The following ZNF257 variants were observed in gnomAD, a reference collection of about 807,000 sequenced individuals.
The protein encoded by ZNF257 is zinc finger protein 257.
A neutral mutation model predicts 11.9 loss-of-function variants in ZNF257; 12 were observed. The ratio of observed to expected loss-of-function variants is 1.01; its 90% CI spans 0.65 to 1.63. ZNF257 has a LOEUF of 1.63. ZNF257 is among the 40% of genes most tolerant of loss of function. The pLI is 0.00. For missense variants in ZNF257, 580 were observed against 665.5 expected, an observed-to-expected ratio of 0.87 and a Z score of 1.41; for synonymous variants, 183 against 222.7, an observed-to-expected ratio of 0.82 and a Z score of 1.59.
chr19:22,057,298 G>C (rs2021669542), intron 1 of ZNF257, among the ~76,000 whole-genome samples: 2 of 152,040 alleles, frequency 1.3e-5, no homozygotes, highest in Admixed American at 1.3e-4. Context: ...GAGTAACTCT[G>C]TCATAGAAAT....
rs4932955 is a variant in ZNF257, at chr19:22,090,043, T to A, written c.*601T>A. 0.19 allele frequency: 29,625 copies of A among 154,168 alleles called. 3,173 individuals carry two copies. Among genetic ancestry groups the A allele is most frequent in the African/African-American group, 0.25 (10,490 of 41,452 alleles). The allele number at this position is 154,168 out of a possible 1,614,324, so 9.6% of individuals were successfully genotyped here. ...CGGAGAAAACTCCAAGTGTGAAGAA[T>A]ATAACTTTTAACCAGTGTTCACAAC... On this transcript the variant is annotated 3_prime_UTR_variant, in exon 4 of 4. Transcript: ENST00000594947.
chr19:22,083,235 C>T (rs912238631), intron 3 of ZNF257, among the ~76,000 whole-genome samples: 1 of 152,008 alleles, frequency 6.6e-6, no homozygotes, highest in African/African-American at 2.4e-5. Context: ...TTTGGGAGGG[C>T]GACGTGGGTG....
At chr19:22,074,939 A>G (rs751589240) in intron 3 of ZNF257, among the ~76,000 whole-genome samples, 1 of 152,232 alleles carries the variant, frequency 6.6e-6, no homozygotes, top group Non-Finnish European at 1.5e-5. Flanking sequence ...ATGTTAAAAT[A>G]GAAGCATTGA....
chr19:22,062,890 AT>A (rs1176027181), intron 1 of ZNF257, among the ~76,000 whole-genome samples: 2 of 151,804 alleles, frequency 1.3e-5, no homozygotes, highest in Non-Finnish European at 2.9e-5. Context: ...TTTTCTTCTC[AT>A]TTTTTTTGGA....
chr19:22,090,282 G>A lies in ZNF257; in HGVS notation c.*840G>A, dbSNP rs2022596222. On this transcript the variant is annotated 3_prime_UTR_variant, in exon 4 of 4. Coordinates refer to ENST00000594947, the MANE Select transcript of ZNF257 (RefSeq NM_033468.4). ...AAAGACAAACATTACAAATATAAAG[G>A]GGTTTGTAGTGCTTTTACTTGTATC... 6.6e-6 allele frequency: 1 copy of A among 151,990 alleles called. No individual in the cohort carries two copies. Among genetic ancestry groups the A allele is most frequent in the Admixed American group, 6.6e-5 (1 of 15,256 alleles). 9.4% of individuals were successfully genotyped at this position (151,990 alleles called of 1,614,324 possible).
chr19:22,072,695 C>T, intron 1 of ZNF257, 114 bp from the exon 2 acceptor site: 1 of 1,299,876 alleles, frequency 7.7e-7, no homozygotes, highest in East Asian at 2.4e-5. Flanking sequence ...TTGGTCACTC[C>T]AATAAGGCAG....
At chr19:22,075,626 AGGG>A (rs1341468697) in intron 3 of ZNF257, 1 of 152,362 alleles carries the variant, frequency 6.6e-6, no homozygotes, top group East Asian at 1.9e-4. Context: ...AGCCAAGACC[AGGG>A]GTCCTGTAGT....
Position 22,089,368 on chromosome 19 carries a change from G to A in ZNF257, c.1618G>A (p.Glu540Lys). Residue 540 changes from glutamate (E) to lysine (K), a missense_variant, in exon 4 of 4, where the codon GAG becomes AAG. Physicochemically the swap from Glu to Lys is moderately conservative, Grantham distance 56. Coordinates refer to ENST00000594947, the MANE Select transcript of ZNF257 (RefSeq NM_033468.4). ...LTVHKRIHAG[E>K]NPNKYEECGK... Reference sequence around the variant, plus strand: ...CGTACATAAGAGAATTCATGCTGGAGAGAACCCCAACAAATATGAAGAATG... The same window carrying A: ...CGTACATAAGAGAATTCATGCTGGAAAGAACCCCAACAAATATGAAGAATG... 5 of 1,613,354 alleles carry A rather than the reference G, an allele frequency of 3.1e-6. No individual in the cohort carries two copies. The highest frequency in any genetic ancestry group is 4.2e-6 in the Non-Finnish European group (5 of 1,179,652).
At position 22,089,268 on chromosome 19, in the gene ZNF257, G is replaced by T; in HGVS notation, c.1518G>T (p.Lys506Asn). Residue 506 changes from lysine (K) to asparagine (N), a missense_variant, in exon 4 of 4, where the codon AAG (lysine) becomes AAT (asparagine). Transcript: ENST00000594947. ...GGTCTTCACACCTTTCTCAACATAA[G>T]ATAATTCATACTGGAGAGAAACCCT... The part of the protein sequence containing the change: ...FNRSSHLSQH[K>N]IIHTGEKPYK... The T allele has an allele frequency of 1.2e-6, 2 of 1,613,750 alleles. No homozygotes were observed. Among genetic ancestry groups the T allele is most frequent in the Non-Finnish European group, 1.7e-6 (2 of 1,179,854 alleles).
rs760044897 is a variant in ZNF257 at position 22,089,404 on chromosome 19, T to A, written c.1654T>A (p.Cys552Ser). The A allele has an allele frequency of 6.2e-7, 1 of 1,612,198 alleles. No homozygotes were observed. Among genetic ancestry groups the A allele is most frequent in the Non-Finnish European group, 8.5e-7 (1 of 1,179,046 alleles). Residue 552 changes from cysteine (C) to serine (S), a missense_variant, in exon 4 of 4, where the codon TGT becomes AGT. Coordinates refer to ENST00000594947, the MANE Select transcript of ZNF257 (RefSeq NM_033468.4). ...CAAATATGAAGAATGTGGCAAAGCT[T>A]GTAACCATTCCTCAAACCTTACTAA... ...PNKYEECGKA[C>S]NHSSNLTKHN...
At chr19:22,065,240 C>T (rs1286995858) in intron 1 of ZNF257, among the ~76,000 whole-genome samples, 1 of 151,814 alleles carries the variant, frequency 6.6e-6, no homozygotes, top group East Asian at 1.9e-4. Flanking sequence ...ACTCTTGTTG[C>T]CCAGGCTGGA....
intron 1 of ZNF257, among the ~76,000 whole-genome samples, chr19:22,061,498 CT>C (rs1389783192): frequency 6.6e-6 from 1 of 152,014 alleles, no homozygotes; most frequent in African/African-American, 2.4e-5. Context: ...TATCCTGAAA[CT>C]TTTCTGCAGT....
chr19:22,090,714 C>T lies in ZNF257; in HGVS notation c.*1272C>T, dbSNP rs1440565627. ...GAAGTCATAATTAAATTCAAGTATA[C>T]TTTTTTGATAAAATTATAAAGCTTT... On this transcript the variant is annotated 3_prime_UTR_variant, in exon 4 of 4. Coordinates refer to ENST00000594947, the MANE Select transcript of ZNF257 (RefSeq NM_033468.4). 6.6e-6 allele frequency: 1 copy of T among 152,052 alleles called. No individual in the cohort carries two copies. The highest frequency in any genetic ancestry group is 2.1e-4 in the South Asian group (1 of 4,832). The allele number at this position is 152,052 out of a possible 1,614,324, so 9.4% of individuals were successfully genotyped here. A position where few individuals can be genotyped will look rare whatever the true frequency, so the allele number is the denominator to read the frequency against.
intron 3 of ZNF257, among the ~76,000 whole-genome samples, chr19:22,079,028 G>A (rs1007596985): frequency 6.6e-6 from 1 of 152,126 alleles, no homozygotes; most frequent in Non-Finnish European, 1.5e-5. Context: ...CTGACCTCAG[G>A]TGATCTACCT....
chr19:22,090,121 A>C lies in ZNF257; in HGVS notation c.*679A>C, dbSNP rs2022593267. 6.6e-6 allele frequency: 1 copy of C among 152,326 alleles called. No homozygotes were observed. The highest frequency in any genetic ancestry group is 2.4e-5 in the African/African-American group (1 of 41,406). 9.4% of individuals were successfully genotyped at this position (152,326 alleles called of 1,614,324 possible). A position where few individuals can be genotyped will look rare whatever the true frequency, so the allele number is the denominator to read the frequency against. ...GAGAAATGGTGTACAAATATAAAGA[A>C]TGTGGAAAAGTCATTAATATTTGCT... On this transcript the variant is annotated 3_prime_UTR_variant, in exon 4 of 4. Transcript: ENST00000594947.
intron 2 of ZNF257, 108 bp from the exon 3 acceptor site, chr19:22,073,361 G>T (rs561442094): frequency 2.4e-6 from 3 of 1,228,994 alleles, no homozygotes; most frequent in South Asian, 1.9e-5. Flanking sequence ...TAGTATTTTG[G>T]CATAAATGTA....
intron 3 of ZNF257, chr19:22,074,643 G>C (rs907481671): frequency 6.6e-6 from 1 of 152,004 alleles, no homozygotes; most frequent in Non-Finnish European, 1.5e-5. Flanking sequence ...TGAGCACCGC[G>C]CCCGGCCAGA....
At chr19:22,087,532 A>T (rs1443544859) in intron 3 of ZNF257, 1 of 1,227,794 alleles carries the variant, frequency 8.1e-7, no homozygotes, top group Non-Finnish European at 1.0e-6. Context: ...TTTTTTCAGC[A>T]TTTTATTTAA....
At chr19:22,076,514 G>T (rs1029136729) in intron 3 of ZNF257, among the ~76,000 whole-genome samples, 5 of 151,974 alleles carry the variant, frequency 3.3e-5, no homozygotes, top group African/African-American at 4.8e-5. Context: ...GCCACACAGT[G>T]CCTGTCAATG....
Sources: gnomAD v4.1 joint callset for allele counts (sites outside exome capture counted in the v4.1 genomes callset) on GRCh38, gnomAD v4.1.1 for gene constraint, MANE v1.5 for transcripts, NCBI Gene and HGNC (gene_info 2026-07-23, HGNC 2026-07-21) for gene names.